The following CREM variants were observed in gnomAD, a reference collection of about 807,000 sequenced individuals.
The protein encoded by CREM is cAMP responsive element modulator.
A neutral mutation model predicts 37.3 loss-of-function variants in CREM; 13 were observed. That is an observed-to-expected ratio of 0.35 (90% CI 0.23 to 0.55). The LOEUF (loss-of-function observed/expected upper bound fraction) is 0.55. Ranked by LOEUF, CREM falls within the 20% of genes least tolerant of loss-of-function variation. The pLI is 0.88. For missense variants in CREM, 296 were observed against 362.3 expected (o/e 0.82, Z 1.49); for synonymous variants, 124 against 120.2 (o/e 1.03, Z -0.21).
At chr10:35,127,731 CA>C (rs1038566034) in intron 1 of CREM, among the ~76,000 whole-genome samples, 2 of 152,230 alleles carry the variant, frequency 1.3e-5, no homozygotes, top group Non-Finnish European at 2.9e-5. Flanking sequence ...GTGGGAAGGG[CA>C]GAGCCGCGAC....
At chr10:35,185,033 CCATT>C (rs34576035) in intron 5 of CREM, among the ~76,000 whole-genome samples, 1,894 of 149,052 alleles carry the variant, frequency 0.013, 16 homozygotes, top group Middle Eastern at 0.062. Flanking sequence ...GAAATGATAG[CCATT>C]CATTCATTCA....
At chr10:35,209,430 C>G (rs2095615521) in intron 7 of CREM, 1 of 901,208 alleles carries the variant, frequency 1.1e-6, no homozygotes. Flanking sequence ...TTTTCCATGG[C>G]TGAGGAGTGC....
intron 1 of CREM, among the ~76,000 whole-genome samples, chr10:35,132,204 A>C (rs2089546336): frequency 6.9e-6 from 1 of 144,460 alleles, no homozygotes; most frequent in African/African-American, 2.5e-5. Context: ...TGAGTCTCAA[A>C]AAAAAAAAAA....
At chr10:35,160,014 C>T (rs1564840944) in intron 3 of CREM, among the ~76,000 whole-genome samples, 1 of 149,462 alleles carries the variant, frequency 6.7e-6, no homozygotes, top group African/African-American at 2.5e-5. Context: ...GCAATTTCAT[C>T]TTTTTTTTTT....
At chr10:35,208,250 A>C (rs1182732521) in intron 7 of CREM, among the ~76,000 whole-genome samples, 1 of 152,214 alleles carries the variant, frequency 6.6e-6, no homozygotes, top group Non-Finnish European at 1.5e-5. Flanking sequence ...CTAACCACTT[A>C]GGATACCTCC....
chr10:35,175,842 C>T, intron 3 of CREM: 1 of 1,592,922 alleles, frequency 6.3e-7, no homozygotes. Context: ...CAATGGTGAT[C>T]ATTTTGGCAG....
chr10:35,133,934 G>T lies in CREM; in HGVS notation c.-54-3848G>T, dbSNP rs534836449. ...TGTTAATATGGAGAGCTGGAAATTGGTTAAGTAAACTTTGGTATTCTAGTA... is the reference window on the plus strand; with the variant it reads ...TGTTAATATGGAGAGCTGGAAATTGTTTAAGTAAACTTTGGTATTCTAGTA... On this transcript the variant is annotated intron_variant, in intron 1 of 7. Coordinates refer to ENST00000685392, the MANE Select transcript of CREM (RefSeq NM_183011.2). 5.9e-5 allele frequency among the ~76,000 whole-genome samples: 9 copies of T among 152,266 alleles called. No individual in the cohort carries two copies. In the East Asian group the frequency reaches 1.7e-3, roughly 29 times the overall value.
intron 3 of CREM, among the ~76,000 whole-genome samples, chr10:35,165,540 A>T (rs1205588865): frequency 6.6e-6 from 1 of 152,082 alleles, no homozygotes; most frequent in Admixed American, 6.6e-5. Flanking sequence ...TTAGAATCTT[A>T]CTGCAAATTC....
In CREM at chr10:35,188,295, C is replaced by A; in HGVS notation, c.505C>A (p.Pro169Thr). 2 of 1,614,166 alleles carry A rather than the reference C, an allele frequency of 1.2e-6. No homozygotes were observed. Among genetic ancestry groups the A allele is most frequent in the Non-Finnish European group, 8.5e-7 (1 of 1,180,022 alleles). The change falls in exon 6 of 8, where the codon CCT becomes ACT. Residue 169 changes from proline (P) to threonine (T), a missense_variant. Physicochemically the swap from Pro to Thr is conservative, Grantham distance 38. Coordinates refer to ENST00000685392, the MANE Select transcript of CREM (RefSeq NM_183011.2). ...QALTMTNSGA[P>T]PPGATIVQYA... ...ATTAACAATGACAAATTCAGGAGCT[C>A]CTCCACCAGGTGCTACAATTGTACA... is the stretch of plus-strand genomic sequence containing the variant.
In CREM at chr10:35,187,131, AAT is replaced by A. The variant is rs540592375; in HGVS notation, c.410-1064_410-1063del. ...TATTATATAAATATATAAATATATT[AAT>A]ATATTAATATATAATATATATAATA... On this transcript the variant is annotated intron_variant, in intron 5 of 7. Coordinates refer to ENST00000685392, the MANE Select transcript of CREM (RefSeq NM_183011.2). Among the ~76,000 whole-genome samples, 378 of 83,690 alleles carry A rather than the reference AAT, an allele frequency of 4.5e-3. 4 individuals carry two copies. Among genetic ancestry groups the A allele is most frequent in the African/African-American group, 0.019 (360 of 18,680 alleles). The allele number at this position is 83,690 out of a possible 152,430, so 54.9% of individuals were successfully genotyped here. A position where few individuals can be genotyped will look rare whatever the true frequency, so the allele number is the denominator to read the frequency against.
Position 35,148,357 on chromosome 10 carries a change from T to C in CREM, c.45-11T>C. The C allele has an allele frequency of 6.2e-7, 1 of 1,604,722 alleles. No individual in the cohort carries two copies. The highest frequency in any genetic ancestry group is 8.5e-7 in the Non-Finnish European group (1 of 1,176,692). On this transcript the variant is annotated splice_polypyrimidine_tract_variant and intron_variant, in intron 2 of 7. Coordinates refer to ENST00000685392, the MANE Select transcript of CREM (RefSeq NM_183011.2). ...GGCCTTAATTTGTCTTCCTTTTTATTGTCTTTTCAGACAAATGACCATGGA... is the reference window on the plus strand; with the variant it reads ...GGCCTTAATTTGTCTTCCTTTTTATCGTCTTTTCAGACAAATGACCATGGA...
intron 2 of CREM, among the ~76,000 whole-genome samples, chr10:35,142,045 G>A (rs2091503490): frequency 6.6e-6 from 1 of 152,174 alleles, no homozygotes; most frequent in Non-Finnish European, 1.5e-5. Context: ...CGTTTTAGAG[G>A]TAGAAACCTC....
chr10:35,149,932 A>ACACACACACACACACACC (rs1564819703), intron 3 of CREM, among the ~76,000 whole-genome samples: 1 of 150,152 alleles, frequency 6.7e-6, no homozygotes, highest in Non-Finnish European at 1.5e-5. Flanking sequence ...ACACACACAC[A>ACACACACACACACACACC]CACACACCCT....
At chr10:35,141,647 A>G (rs554390094) in intron 2 of CREM, among the ~76,000 whole-genome samples, 1 of 152,176 alleles carries the variant, frequency 6.6e-6, no homozygotes, top group Non-Finnish European at 1.5e-5. Context: ...TGGAGATGTT[A>G]AACAGGGATT....
In CREM at chr10:35,212,391, T is replaced by G. The variant is rs752667725; in HGVS notation, c.*993T>G. On this transcript the variant is annotated 3_prime_UTR_variant, in exon 8 of 8. Transcript: ENST00000685392. ...CCATGTTGGTTGCACTTTGTAGTGT[T>G]TGGTGCTCATTTAAATATCTGAACA... is the stretch of plus-strand genomic sequence containing the variant. 2.6e-5 allele frequency: 4 copies of G among 152,572 alleles called. No homozygotes were observed. The highest frequency in any genetic ancestry group is 9.6e-5 in the African/African-American group (4 of 41,468). The allele number at this position is 152,572 out of a possible 1,614,324, so 9.5% of individuals were successfully genotyped here. A position where few individuals can be genotyped will look rare whatever the true frequency, so the allele number is the denominator to read the frequency against.
chr10:35,194,488 C>A (rs2095063262), intron 6 of CREM, among the ~76,000 whole-genome samples: 1 of 152,168 alleles, frequency 6.6e-6, no homozygotes, highest in African/African-American at 2.4e-5. Context: ...TCATGTGATT[C>A]AATCTAGTAG....
chr10:35,179,095 A>T (rs1457598689), intron 4 of CREM, 39 bp from the exon 5 acceptor site: 6 of 1,566,364 alleles, frequency 3.8e-6, no homozygotes, highest in Non-Finnish European at 5.2e-6. Context: ...AGACTTATTC[A>T]TGTATCTTAG....
chr10:35,182,839 A>G (rs1346291143), intron 5 of CREM, among the ~76,000 whole-genome samples: 1 of 152,228 alleles, frequency 6.6e-6, no homozygotes, highest in East Asian at 1.9e-4. Flanking sequence ...TGTGTTGCAT[A>G]ACAGTTGAGC....
chr10:35,134,331 C>T (rs1386908948), intron 1 of CREM, among the ~76,000 whole-genome samples: 1 of 152,196 alleles, frequency 6.6e-6, no homozygotes, highest in East Asian at 1.9e-4. Flanking sequence ...GTTCTCCTGC[C>T]TCACCCTCCC....
Sources: allele counts gnomAD v4.1 joint callset (sites outside exome capture counted in the v4.1 genomes callset), GRCh38; gene constraint gnomAD v4.1.1; transcripts MANE v1.5; gene names NCBI Gene and HGNC (gene_info 2026-07-23, HGNC 2026-07-21).